AHCY: variants seen among roughly 807,000 people sequenced by gnomAD.
AHCY encodes S-adenosyl-L-homocysteine hydrolase.
Under a neutral mutation model 45.4 loss-of-function variants are expected in AHCY, and 24 were observed. The observed-to-expected ratio is 0.53, with a 90% confidence interval of 0.38 to 0.74. The LOEUF is 0.74. Ranked by LOEUF, AHCY falls within the 30% of genes least tolerant of loss-of-function variation. The pLI is 0.00. For synonymous variants in AHCY, 245 were observed against 235.1 expected, an observed-to-expected ratio of 1.04 and a Z score of -0.39; for missense variants, 449 against 594.1, an observed-to-expected ratio of 0.76 and a Z score of 2.54.
At chr20:34,243,643 G>A in the AHCY span, among the ~76,000 whole-genome samples, 6 of 151,260 alleles carry the variant, frequency 4.0e-5, no homozygotes, top group African/African-American at 9.7e-5. Context: ...AGATAGTCTC[G>A]ATGGATAAAT....
At position 34,295,553 on chromosome 20, in the gene AHCY, C is replaced by T. The variant is rs754753419; in HGVS notation, c.61G>A (p.Ala21Thr). 54 of 1,614,008 alleles carry T rather than the reference C, an allele frequency of 3.3e-5. No homozygotes were observed. The highest frequency in any genetic ancestry group is 3.3e-4 in the Admixed American group (20 of 59,990). The change falls in exon 2 of 10, where the codon GCC (alanine) becomes ACC (threonine). Residue 21 changes from alanine (A) to threonine (T), a missense_variant. Ala to Thr is a moderately conservative substitution (Grantham distance 58, BLOSUM62 0). Coordinates refer to ENST00000217426, the MANE Select transcript of AHCY (RefSeq NM_000687.4). Reference protein sequence around the residue: ...DIGLAAWGRKALDIAENEMPG... With the variant: ...DIGLAAWGRKTLDIAENEMPG... ...ATCTCGTTCTCAGCAATGTCCAGGG[C>T]CTTGCGTCCCCAGGCAGCCAGGCCG...
At chr20:34,245,135 A>G in the AHCY span, among the ~76,000 whole-genome samples, 147 of 151,964 alleles carry the variant, frequency 9.7e-4, 1 homozygote, top group South Asian at 7.9e-3. Flanking sequence ...GGAGTTCGAG[A>G]CCAGCCTGGC....
the AHCY span, among the ~76,000 whole-genome samples, chr20:34,244,320 G>C: frequency 2.6e-5 from 4 of 152,052 alleles, no homozygotes; most frequent in African/African-American, 9.7e-5. Context: ...CTATTTCCAG[G>C]ACTACATCTT....
chr20:34,241,223 T>A, the AHCY span, among the ~76,000 whole-genome samples: 2 of 152,234 alleles, frequency 1.3e-5, no homozygotes, highest in African/African-American at 4.8e-5. Flanking sequence ...AAATAAAGGA[T>A]AACCCTTTAC....
In AHCY at chr20:34,291,570, C is replaced by T. The variant is rs544376471; in HGVS notation, c.446-39G>A. On this transcript the variant is annotated intron_variant, in intron 4 of 9. Coordinates refer to ENST00000217426, the MANE Select transcript of AHCY (RefSeq NM_000687.4). ...GACAGGACAAGCCTCAGAGATGCCA[C>T]ACCTGTGCTCATGCAAATTCCTCAT... 106 of 1,549,922 alleles carry T rather than the reference C, an allele frequency of 6.8e-5. 1 individual carries two copies. In the South Asian group the frequency reaches 1.1e-3, roughly 17 times the overall value.
At chr20:34,262,817 T>C in the AHCY span, 2 of 1,613,758 alleles carry the variant, frequency 1.2e-6, no homozygotes, top group Non-Finnish European at 1.7e-6. Flanking sequence ...TTGCTCCTTT[T>C]GTCTCTCTTT....
intron 1 of AHCY, among the ~76,000 whole-genome samples, chr20:34,300,340 CTAAAG>C (rs2122815366): frequency 6.6e-6 from 1 of 152,328 alleles, no homozygotes; most frequent in Admixed American, 6.5e-5. Flanking sequence ...CATCATTCTA[CTAAAG>C]TAAACAAAAC....
At chr20:34,248,280 C>T in the AHCY span, among the ~76,000 whole-genome samples, 1 of 151,996 alleles carries the variant, frequency 6.6e-6, no homozygotes, top group East Asian at 1.9e-4. Flanking sequence ...TTAGAATGAA[C>T]TTATGACATC....
At chr20:34,242,967 A>G in the AHCY span, among the ~76,000 whole-genome samples, 1 of 152,270 alleles carries the variant, frequency 6.6e-6, no homozygotes, top group Non-Finnish European at 1.5e-5. Context: ...AGTACCCACT[A>G]AGGTCTTTGT....
chr20:34,273,216 G>A, the AHCY span, among the ~76,000 whole-genome samples: 1 of 123,824 alleles, frequency 8.1e-6, no homozygotes, highest in Non-Finnish European at 1.7e-5. Context: ...TGCCCTTGTG[G>A]TGACCCTTTT....
the AHCY span, among the ~76,000 whole-genome samples, chr20:34,234,485 CTCTTT>C: frequency 5.3e-5 from 8 of 151,954 alleles, no homozygotes; most frequent in Non-Finnish European, 1.0e-4. Context: ...TTTTCCTTTT[CTCTTT>C]TCTTTTCTTT....
At chr20:34,305,237 T>A (rs567122399), upstream of AHCY, among the ~76,000 whole-genome samples, 1 of 151,220 alleles carries the variant, frequency 6.6e-6, no homozygotes, top group South Asian at 2.1e-4. Context: ...GGCAGGAGAA[T>A]GGCGTGAACC....
At chr20:34,243,793 G>A in the AHCY span, among the ~76,000 whole-genome samples, 2 of 151,046 alleles carry the variant, frequency 1.3e-5, no homozygotes, top group South Asian at 2.1e-4. Context: ...CGCCGGGCGC[G>A]GTGGCTCACG....
At chr20:34,273,072 A>G in the AHCY span, among the ~76,000 whole-genome samples, 1 of 152,164 alleles carries the variant, frequency 6.6e-6, no homozygotes, top group Non-Finnish European at 1.5e-5. Flanking sequence ...TTGGGTTTTT[A>G]TGGAGGCTTC....
the AHCY span, among the ~76,000 whole-genome samples, chr20:34,234,297 G>A: frequency 6.6e-6 from 1 of 152,130 alleles, no homozygotes; most frequent in Admixed American, 6.6e-5. Flanking sequence ...CTAAGTAGCA[G>A]ACAAGACCAC....
chr20:34,268,713 G>A, the AHCY span, among the ~76,000 whole-genome samples: 1 of 151,582 alleles, frequency 6.6e-6, no homozygotes, highest in African/African-American at 2.4e-5. Context: ...CAGCCTGGCT[G>A]ACAGAGTGAA....
At chr20:34,242,325 T>G in the AHCY span, among the ~76,000 whole-genome samples, 1 of 152,278 alleles carries the variant, frequency 6.6e-6, no homozygotes, top group African/African-American at 2.4e-5. Flanking sequence ...CTCTGCCTCC[T>G]GAGTTCAAAC....
intron 3 of AHCY, among the ~76,000 whole-genome samples, chr20:34,292,815 C>T (rs2036443975): frequency 6.6e-6 from 1 of 152,162 alleles, no homozygotes; most frequent in Admixed American, 6.5e-5. Context: ...CCATGTACAG[C>T]CCCCCGCCCC....
At chr20:34,297,452 C>G (rs1312536190) in intron 1 of AHCY, among the ~76,000 whole-genome samples, 1 of 152,044 alleles carries the variant, frequency 6.6e-6, no homozygotes, top group African/African-American at 2.4e-5. Flanking sequence ...AACTCGCCAC[C>G]ATGCCCAGCT....
Sources: gnomAD v4.1 joint callset for allele counts (sites outside exome capture counted in the v4.1 genomes callset) on GRCh38, gnomAD v4.1.1 for gene constraint, MANE v1.5 for transcripts, NCBI Gene and HGNC (gene_info 2026-07-23, HGNC 2026-07-21) for gene names.